The following PTPRG variants were observed in gnomAD, a reference collection of about 807,000 sequenced individuals.
PTPRG encodes the protein protein tyrosine phosphatase receptor type G.
PTPRG carries 102 observed loss-of-function variants against 165.3 expected under a neutral mutation model. That is an observed-to-expected ratio of 0.62 (90% confidence interval 0.53 to 0.73). PTPRG has a LOEUF of 0.73. Among genes scored for constraint, PTPRG ranks in the 30% least tolerant of loss-of-function variants. The pLI is 0.00. For missense variants in PTPRG, 1,866 were observed against 1,861.4 expected (o/e 1.00, Z -0.05); for synonymous variants, 675 against 669.5 (o/e 1.01, Z -0.13).
At chr3:61,779,960 ACTC>A (rs1396270960) in intron 2 of PTPRG, among the ~76,000 whole-genome samples, 2 of 151,444 alleles carry the variant, frequency 1.3e-5, no homozygotes, top group African/African-American at 2.4e-5. Context: ...CTTGTTCCCT[ACTC>A]CTCTATTGTT....
chr3:62,223,865 A>G (rs188069189), intron 13 of PTPRG, among the ~76,000 whole-genome samples: 33 of 152,350 alleles, frequency 2.2e-4, no homozygotes, highest in South Asian at 1.2e-3. Flanking sequence ...AGAGTTTCCA[A>G]TATGTCCATT....
chr3:61,651,783 G>A (rs1223229233), intron 1 of PTPRG, among the ~76,000 whole-genome samples: 1 of 152,208 alleles, frequency 6.6e-6, no homozygotes, highest in Non-Finnish European at 1.5e-5. Flanking sequence ...GCCGAGGTAG[G>A]TGGATCACTT....
chr3:61,709,774 C>T (rs1453747902), intron 1 of PTPRG, among the ~76,000 whole-genome samples: 2 of 152,158 alleles, frequency 1.3e-5, no homozygotes, highest in Non-Finnish European at 2.9e-5. Context: ...GAAGCCTTTT[C>T]ACTGTGCAAA....
In PTPRG at chr3:61,748,878, C is replaced by T. The variant is rs200002839; in HGVS notation, c.86C>T (p.Ala29Val). 5.9e-5 allele frequency: 95 copies of T among 1,612,854 alleles called. 1 individual carries two copies. The highest frequency in any genetic ancestry group is 8.9e-5 in the East Asian group (4 of 44,864). Residue 29 changes from alanine to valine, a missense_variant and splice_region_variant, in exon 2 of 30, where the codon GCG becomes GTG. Transcript: ENST00000474889. Reference sequence around the variant, plus strand: ...CATTGTGGGTTTTCCTCTCTTCCAGCGTTGACAGAAGGCTACGTTGGGGCC... The same window carrying T: ...CATTGTGGGTTTTCCTCTCTTCCAGTGTTGACAGAAGGCTACGTTGGGGCC... ...SVLHYVVCFP[A>V]LTEGYVGALH...
intron 5 of PTPRG, among the ~76,000 whole-genome samples, chr3:62,080,368 G>A (rs999939811): frequency 1.2e-4 from 18 of 152,056 alleles, no homozygotes; most frequent in African/African-American, 3.9e-4. Context: ...GAGCCACTGC[G>A]CCCAGCCCCC....
At chr3:62,094,154 G>A (rs1702033767) in intron 5 of PTPRG, among the ~76,000 whole-genome samples, 1 of 152,076 alleles carries the variant, frequency 6.6e-6, no homozygotes, top group African/African-American at 2.4e-5. Flanking sequence ...ACTAGAAAAC[G>A]GTAGGATTTG....
chr3:62,122,710 C>T (rs189506239), intron 5 of PTPRG, among the ~76,000 whole-genome samples: 62 of 152,222 alleles, frequency 4.1e-4, no homozygotes, highest in African/African-American at 1.2e-3. Flanking sequence ...ATTTGGGGTT[C>T]GCTCATTATT....
Position 62,229,182 on chromosome 3 carries a change from A to G in PTPRG, c.2289-2043A>G, listed in dbSNP as rs886403038. On this transcript the variant is annotated intron_variant, in intron 13 of 29. Coordinates refer to ENST00000474889, the MANE Select transcript of PTPRG (RefSeq NM_002841.4). The surrounding 1 kb of genome is among the most constrained non-coding windows in gnomAD (Gnocchi z 4.6). ...AACTATCTTGCTCTGAGATGCTAAA[A>G]GAGATGGGGGTAGGGAGTCTTTTGA... Among the ~76,000 whole-genome samples the G allele has an allele frequency of 6.6e-6, 1 of 152,166 alleles. No homozygotes were observed. The highest frequency in any genetic ancestry group is 1.5e-5 in the Non-Finnish European group (1 of 68,030).
intron 2 of PTPRG, among the ~76,000 whole-genome samples, chr3:61,883,453 A>C (rs1299928042): frequency 1.3e-5 from 2 of 152,122 alleles, no homozygotes; most frequent in Non-Finnish European, 2.9e-5. Flanking sequence ...TCCTGCTAGG[A>C]TGTCCTTTAA....
rs375883329 is a variant in PTPRG at position 61,855,593 on chromosome 3, G to C, written c.190+106611G>C. Among the ~76,000 whole-genome samples the C allele has an allele frequency of 5.0e-4, 74 of 147,386 alleles. 1 individual carries two copies. In the East Asian group the frequency reaches 0.013, roughly 26 times the overall value. ...GCTTTAAAATGTTCATGTTAAAGTAGACTTTATAGTCTTGTAATGTTTTAC... is the reference window on the plus strand; with the variant it reads ...GCTTTAAAATGTTCATGTTAAAGTACACTTTATAGTCTTGTAATGTTTTAC... On this transcript the variant is annotated intron_variant, in intron 2 of 29. Coordinates refer to ENST00000474889, the MANE Select transcript of PTPRG (RefSeq NM_002841.4).
At chr3:61,624,670 T>C (rs928468007) in intron 1 of PTPRG, among the ~76,000 whole-genome samples, 1 of 152,188 alleles carries the variant, frequency 6.6e-6, no homozygotes, top group Non-Finnish European at 1.5e-5. Flanking sequence ...TCCTGATACT[T>C]AACCTCAGGT....
chr3:61,736,193 C>T (rs2032715752), intron 1 of PTPRG, among the ~76,000 whole-genome samples: 1 of 151,096 alleles, frequency 6.6e-6, no homozygotes, highest in African/African-American at 2.4e-5. Context: ...CAGGTGTGAG[C>T]CACCGCACCC....
chr3:61,658,747 T>C (rs1186860381), intron 1 of PTPRG, among the ~76,000 whole-genome samples: 2 of 152,166 alleles, frequency 1.3e-5, no homozygotes, highest in Non-Finnish European at 2.9e-5. Flanking sequence ...GAAGTATTTA[T>C]AGAATGAAAG....
chr3:61,813,549 G>C lies in PTPRG; in HGVS notation c.190+64567G>C, dbSNP rs1347620042. Among the ~76,000 whole-genome samples the C allele has an allele frequency of 1.2e-4, 12 of 100,516 alleles. 1 individual carries two copies. Among genetic ancestry groups the C allele is most frequent in the Admixed American group, 7.4e-4 (7 of 9,462 alleles). 65.9% of individuals were successfully genotyped at this position (100,516 alleles called of 152,430 possible). On this transcript the variant is annotated intron_variant, in intron 2 of 29. Transcript: ENST00000474889. ...AAAAAAGAAAAAAGAAAATCTGTGT[G>C]TGTGTGTGTGTGTGTGTGTGTGTGT...
chr3:61,614,463 G>T (rs1701254264), intron 1 of PTPRG, among the ~76,000 whole-genome samples: 1 of 140,282 alleles, frequency 7.1e-6, no homozygotes, highest in South Asian at 2.3e-4. Context: ...AGGCTGGAGT[G>T]CAGTGGCGTG....
intron 2 of PTPRG, among the ~76,000 whole-genome samples, chr3:61,890,289 C>T (rs557243502): frequency 6.6e-6 from 1 of 151,990 alleles, no homozygotes; most frequent in African/African-American, 2.4e-5. Flanking sequence ...GTCATTCATT[C>T]TTTGGTTCTC....
intron 15 of PTPRG, among the ~76,000 whole-genome samples, chr3:62,248,607 T>G (rs1701343138): frequency 1.3e-5 from 2 of 152,192 alleles, no homozygotes; most frequent in African/African-American, 2.4e-5. Context: ...TAATGAAGCA[T>G]TCACTACATT....
chr3:61,848,549 T>C (rs1343414560), intron 2 of PTPRG, among the ~76,000 whole-genome samples: 3 of 152,352 alleles, frequency 2.0e-5, no homozygotes, highest in South Asian at 4.1e-4. Context: ...ATATATCTTA[T>C]AGCAACTCAT....
intron 14 of PTPRG, among the ~76,000 whole-genome samples, chr3:62,234,524 T>C (rs1247752056): frequency 4.6e-5 from 7 of 152,226 alleles, no homozygotes; most frequent in East Asian, 1.9e-4. Flanking sequence ...ACTAACCTCA[T>C]AGGTGAAAAA....
Sources: allele counts gnomAD v4.1 joint callset (sites outside exome capture counted in the v4.1 genomes callset), GRCh38; gene constraint gnomAD v4.1.1; non-coding constraint Gnocchi (gnomAD v3.1); transcripts MANE v1.5; gene names NCBI Gene and HGNC (gene_info 2026-07-23, HGNC 2026-07-21).